SIPA1L3: variants seen among roughly 807,000 people sequenced by gnomAD.
The protein encoded by SIPA1L3 is signal induced proliferation associated 1 like 3.
A neutral mutation model predicts 150.1 loss-of-function variants in SIPA1L3; 59 were observed. That is an observed-to-expected ratio of 0.39 (90% CI 0.32 to 0.49). SIPA1L3 has a LOEUF of 0.49. Among genes scored for constraint, SIPA1L3 ranks in the 20% least tolerant of loss-of-function variants. The pLI, the probability that SIPA1L3 is intolerant of heterozygous loss-of-function variation, is 0.86. For synonymous variants in SIPA1L3, 1,070 were observed against 1,077.6 expected (o/e 0.99, Z 0.14); for missense variants, 2,211 against 2,489.5 (o/e 0.89, Z 2.38).
intron 1 of SIPA1L3, among the ~76,000 whole-genome samples, chr19:37,951,146 AACTGGAATTGTGTCTGTCCGTT>A (rs755990004): frequency 2.0e-5 from 3 of 152,222 alleles, no homozygotes; most frequent in Non-Finnish European, 4.4e-5. Context: ...ATGCCCTTGA[AACTGGAATTGTGTCTGTCCGTT>A]AGATCACAGT....
rs1394008708 is a variant in SIPA1L3 at position 37,991,607 on chromosome 19, A to G, written c.-378-37482A>G. Among the ~76,000 whole-genome samples, 4 of 152,192 alleles carry G rather than the reference A, an allele frequency of 2.6e-5. No homozygotes were observed. The East Asian group carries it at 5.8e-4, about 22-fold the overall frequency. ...ACCTGCATGTGAGTTCAGTGGGCCC[A>G]TTGTGCAGACAGCTTGGCAGGGACC... On this transcript the variant is annotated intron_variant, in intron 1 of 21. Coordinates refer to ENST00000222345, the MANE Select transcript of SIPA1L3 (RefSeq NM_015073.3).
At chr19:38,183,701 C>T (rs1972612416) in intron 16 of SIPA1L3, among the ~76,000 whole-genome samples, 1 of 152,078 alleles carries the variant, frequency 6.6e-6, no homozygotes, top group African/African-American at 2.4e-5. Context: ...TGGAAGAGCC[C>T]CTAAGGCAGG....
intron 4 of SIPA1L3, among the ~76,000 whole-genome samples, chr19:38,089,328 CA>C (rs55806031): frequency 0.23 from 15,005 of 64,112 alleles, 365 homozygotes; most frequent in African/African-American, 0.25. Flanking sequence ...GACTGTGTCT[CA>C]AAAAAAAAAA....
Position 38,081,355 on chromosome 19 carries a change from A to G in SIPA1L3, c.-211A>G. 2 of 555,988 alleles carry G rather than the reference A, an allele frequency of 3.6e-6. No homozygotes were observed. The highest frequency in any genetic ancestry group is 5.6e-5 in the South Asian group (2 of 35,982). The allele number at this position is 555,988 out of a possible 1,614,324, so 34.4% of individuals were successfully genotyped here. On this transcript the variant is annotated 5_prime_UTR_variant, in exon 3 of 22. Transcript: ENST00000222345. ...CCACTCGGTCTGGAGCCCCCAGGAC[A>G]GCACCTGCTTCCTGAGGTTGTCCTG...
intron 2 of SIPA1L3, among the ~76,000 whole-genome samples, chr19:38,075,210 A>G (rs956155663): frequency 6.6e-6 from 1 of 152,040 alleles, no homozygotes; most frequent in Non-Finnish European, 1.5e-5. Context: ...TAATCCTAGC[A>G]CTTTGGGAGG....
intron 2 of SIPA1L3, among the ~76,000 whole-genome samples, chr19:38,034,153 G>A (rs931367779): frequency 1.3e-5 from 2 of 152,042 alleles, no homozygotes; most frequent in African/African-American, 4.8e-5. Flanking sequence ...GGTGGCAAAT[G>A]TTATTTAACT....
intron 10 of SIPA1L3, among the ~76,000 whole-genome samples, chr19:38,138,173 A>G (rs976160238): frequency 6.6e-6 from 1 of 152,128 alleles, no homozygotes; most frequent in Non-Finnish European, 1.5e-5. Flanking sequence ...GGAAAAGTCA[A>G]GGACATAAGA....
At chr19:38,181,534 T>C (rs1298061629) in intron 15 of SIPA1L3, among the ~76,000 whole-genome samples, 3 of 151,350 alleles carry the variant, frequency 2.0e-5, no homozygotes, top group African/African-American at 7.3e-5. Context: ...TATATACACA[T>C]GCGTATGTTT....
intron 13 of SIPA1L3, among the ~76,000 whole-genome samples, chr19:38,155,711 C>T (rs1971931195): frequency 6.6e-6 from 1 of 152,134 alleles, no homozygotes; most frequent in African/African-American, 2.4e-5. Context: ...ACACCAGCTC[C>T]CCCAGATGCT....
intron 1 of SIPA1L3, among the ~76,000 whole-genome samples, chr19:37,941,992 A>G (rs541121029): frequency 3.0e-4 from 45 of 152,190 alleles, no homozygotes; most frequent in Non-Finnish European, 4.9e-4. Context: ...GTTATTCATT[A>G]TATTGCACGA....
intron 1 of SIPA1L3, among the ~76,000 whole-genome samples, chr19:37,978,454 T>C (rs989711806): frequency 5.3e-5 from 8 of 152,160 alleles, no homozygotes; most frequent in Admixed American, 3.9e-4. Flanking sequence ...CTCCTCACAA[T>C]GGCCCATGAA....
rs78560614 is a variant in SIPA1L3 at position 37,930,555 on chromosome 19, T to G, written c.-379+23197T>G. Among the ~76,000 whole-genome samples the G allele has an allele frequency of 7.1e-4, 108 of 152,290 alleles. No individual in the cohort carries two copies. In the East Asian group the frequency reaches 0.019, roughly 27 times the overall value. On this transcript the variant is annotated intron_variant, in intron 1 of 21. Coordinates refer to ENST00000222345, the MANE Select transcript of SIPA1L3 (RefSeq NM_015073.3). ...ATCCCTTTTGCAGACTGAAATTTCC[T>G]GAGGATACCTGTTGCTACTGCTCGT...
chr19:38,087,154 G>A (rs1970151803), intron 3 of SIPA1L3, among the ~76,000 whole-genome samples: 1 of 152,210 alleles, frequency 6.6e-6, no homozygotes, highest in South Asian at 2.1e-4. Flanking sequence ...GTTTGGCCAA[G>A]CAAAGAATCT....
intron 4 of SIPA1L3, among the ~76,000 whole-genome samples, chr19:38,099,307 G>C (rs1448328094): frequency 1.3e-5 from 2 of 151,154 alleles, no homozygotes; most frequent in South Asian, 4.2e-4. Flanking sequence ...AAAGTGCTGG[G>C]GTTACAGGTG....
At chr19:37,950,615 G>T (rs1010621913) in intron 1 of SIPA1L3, among the ~76,000 whole-genome samples, 3 of 152,218 alleles carry the variant, frequency 2.0e-5, no homozygotes. Context: ...AGCTGATGGC[G>T]GGCTTGGTTC....
chr19:38,190,465 T>C (rs573839933), intron 16 of SIPA1L3, among the ~76,000 whole-genome samples: 6 of 152,308 alleles, frequency 3.9e-5, no homozygotes, highest in Admixed American at 6.5e-5. Context: ...GAATTCCAAT[T>C]TGGGGAGGAA....
chr19:37,921,874 A>G (rs2046460429), intron 1 of SIPA1L3, among the ~76,000 whole-genome samples: 1 of 152,070 alleles, frequency 6.6e-6, no homozygotes, highest in African/African-American at 2.4e-5. Flanking sequence ...AAGTGCTGGG[A>G]TCAAAGGCGT....
At position 38,178,086 on chromosome 19, in the gene SIPA1L3, GGTGTGTGTGTGTGTGTGTGT is replaced by G. The variant is rs765404105; in HGVS notation, c.4209-4400_4209-4381del. Among the ~76,000 whole-genome samples the G allele has an allele frequency of 9.4e-3, 1,231 of 131,014 alleles. 23 individuals are homozygous for G. Among genetic ancestry groups the G allele is most frequent in the African/African-American group, 0.033 (1,118 of 33,938 alleles). 86.0% of individuals were successfully genotyped at this position (131,014 alleles called of 152,430 possible). A position where few individuals can be genotyped will look rare whatever the true frequency, so the allele number is the denominator to read the frequency against. On this transcript the variant is annotated intron_variant, in intron 15 of 21. Coordinates refer to ENST00000222345, the MANE Select transcript of SIPA1L3 (RefSeq NM_015073.3). ...CCTGTGTGTGCTTGTGCAGGCTTTT[GGTGTGTGTGTGTGTGTGTGT>G]GTGTGTGTGTGTGTGTGTGTGTGTG...
At chr19:38,040,791 C>T (rs535817435) in intron 2 of SIPA1L3, among the ~76,000 whole-genome samples, 6 of 152,308 alleles carry the variant, frequency 3.9e-5, no homozygotes, top group South Asian at 2.1e-4. Context: ...GTCGGAGTCT[C>T]GCTCAGTCGC....
Sources: allele counts gnomAD v4.1 joint callset (sites outside exome capture counted in the v4.1 genomes callset), GRCh38; gene constraint gnomAD v4.1.1; transcripts MANE v1.5; gene names NCBI Gene and HGNC (gene_info 2026-07-23, HGNC 2026-07-21).